The following BDP1 variants were observed in gnomAD, a reference collection of about 807,000 sequenced individuals.
The protein encoded by BDP1 is transcription factor TFIIIB component B'' homolog.
BDP1 carries 169 observed loss-of-function variants against 266.6 expected under a neutral mutation model. That is an observed-to-expected ratio of 0.63 (90% CI 0.56 to 0.72). The LOEUF (loss-of-function observed/expected upper bound fraction) is 0.72. BDP1 is among the 30% of genes least tolerant of loss of function. The pLI, the probability that BDP1 is intolerant of heterozygous loss-of-function variation, is 0.00. For synonymous variants in BDP1, 1,090 were observed against 1,022.4 expected (o/e 1.07, Z -1.26); for missense variants, 3,015 against 3,053.8 (o/e 0.99, Z 0.30).
chr5:71,512,529 A>G, intron 18 of BDP1, 101 bp downstream of exon 18: 1 of 741,772 alleles, frequency 1.3e-6, no homozygotes, highest in Non-Finnish European at 2.0e-6. Context: ...ATAGTGTTAG[A>G]GCTTTTAAGA....
chr5:71,565,620 G>A lies in BDP1; in HGVS notation c.*735G>A, dbSNP rs1202052453. The A allele has an allele frequency of 6.5e-6, 1 of 152,750 alleles. No homozygotes were observed. The allele number at this position is 152,750 out of a possible 1,614,324, so 9.5% of individuals were successfully genotyped here. On this transcript the variant is annotated 3_prime_UTR_variant, in exon 39 of 39. Transcript: ENST00000358731. Reference sequence around the variant, plus strand: ...CACATAGCCTCAGTCTGTACGGTGTGTAGCAGCCTGTACCATCTCAGTGTT... The same window carrying A: ...CACATAGCCTCAGTCTGTACGGTGTATAGCAGCCTGTACCATCTCAGTGTT...
rs574748669 is a variant in BDP1 at position 71,549,243 on chromosome 5, C to A, written c.6809-177C>A. Among the ~76,000 whole-genome samples, 717 of 152,028 alleles carry A rather than the reference C, an allele frequency of 4.7e-3. 7 individuals are homozygous for A. In the South Asian group the frequency reaches 0.055, roughly 12 times the overall value. ...ACAGAGCGAGACTCTGTCTCCCCCC[C>A]GCAAAAAAGGAGGGAACTTACTTCC... On this transcript the variant is annotated intron_variant, in intron 33 of 38. Transcript: ENST00000358731.
chr5:71,520,034 G>A (rs1339336962), intron 22 of BDP1, among the ~76,000 whole-genome samples: 1 of 152,166 alleles, frequency 6.6e-6, no homozygotes. Flanking sequence ...TCTCAGTGCA[G>A]TTTTGATTTG....
intron 19 of BDP1, among the ~76,000 whole-genome samples, chr5:71,514,097 A>G (rs1314209711): frequency 6.6e-6 from 1 of 152,114 alleles, no homozygotes; most frequent in African/African-American, 2.4e-5. Context: ...TAAAGGTGAT[A>G]TTTTATTTAC....
Position 71,561,103 on chromosome 5 carries a change from GA to G in BDP1, c.7496+872del, listed in dbSNP as rs1378110336. Among the ~76,000 whole-genome samples the G allele has an allele frequency of 5.4e-5, 8 of 147,144 alleles. No homozygotes were observed. The East Asian group carries it at 1.4e-3, about 26-fold the overall frequency. Reference sequence around the variant, plus strand: ...GGGCAACATAGCCAGACCCGTCTCTGAAAAAAGAAAAAAAAAGGCTGGGTGC... The same window carrying G: ...GGGCAACATAGCCAGACCCGTCTCTGAAAAAGAAAAAAAAAGGCTGGGTGC... On this transcript the variant is annotated intron_variant, in intron 37 of 38. Coordinates refer to ENST00000358731, the MANE Select transcript of BDP1 (RefSeq NM_018429.3).
intron 13 of BDP1, among the ~76,000 whole-genome samples, chr5:71,500,669 A>G (rs983642073): frequency 3.3e-5 from 5 of 152,044 alleles, no homozygotes; most frequent in African/African-American, 7.2e-5. Flanking sequence ...CTTGCAACCA[A>G]TCTTTTCACA....
intron 7 of BDP1, among the ~76,000 whole-genome samples, chr5:71,479,326 C>T (rs2150385341): frequency 6.6e-6 from 1 of 152,022 alleles, no homozygotes; most frequent in Middle Eastern, 3.4e-3. Context: ...CAGGTGTGAG[C>T]CACTGCACCT....
At chr5:71,503,235 C>G (rs1321493468) in intron 15 of BDP1, among the ~76,000 whole-genome samples, 2 of 152,180 alleles carry the variant, frequency 1.3e-5, no homozygotes, top group South Asian at 4.1e-4. Flanking sequence ...GATCCACCCG[C>G]CTTGGCCTCC....
At chr5:71,506,993 A>T (rs966867448) in intron 16 of BDP1, among the ~76,000 whole-genome samples, 3 of 151,680 alleles carry the variant, frequency 2.0e-5, no homozygotes, top group Non-Finnish European at 4.4e-5. Context: ...GCTAATTTTT[A>T]AATTTTTTTG....
chr5:71,494,848 A>T (rs1415605722), intron 11 of BDP1: 1 of 152,806 alleles, frequency 6.5e-6, no homozygotes, highest in African/African-American at 2.4e-5. Context: ...ATAGGCCTGC[A>T]CCACCATGCC....
chr5:71,549,105 G>T (rs1373860468), intron 33 of BDP1, among the ~76,000 whole-genome samples: 3 of 152,162 alleles, frequency 2.0e-5, no homozygotes, highest in African/African-American at 7.2e-5. Context: ...AGGCACGGTG[G>T]CATGCACCTG....
chr5:71,494,279 A>C (rs374801230), intron 11 of BDP1, among the ~76,000 whole-genome samples: 176 of 152,376 alleles, frequency 1.2e-3, no homozygotes, highest in African/African-American at 3.8e-3. Context: ...CTAAATGTGA[A>C]TATGTGTTGA....
intron 37 of BDP1, among the ~76,000 whole-genome samples, chr5:71,561,061 C>G (rs1039201524): frequency 2.0e-5 from 3 of 151,972 alleles, no homozygotes; most frequent in African/African-American, 7.3e-5. Context: ...CTGTGAATAG[C>G]CACTGCACTC....
chr5:71,500,568 C>G (rs1197005975), intron 13 of BDP1, among the ~76,000 whole-genome samples: 1 of 151,890 alleles, frequency 6.6e-6, no homozygotes, highest in African/African-American at 2.4e-5. Flanking sequence ...CTCAGGTGGT[C>G]CACCTGCCTC....
intron 13 of BDP1, among the ~76,000 whole-genome samples, chr5:71,498,252 A>G (rs1042086339): frequency 2.7e-5 from 4 of 148,832 alleles, no homozygotes; most frequent in Non-Finnish European, 6.0e-5. Context: ...ACCCGGCCTG[A>G]TTTTCTGTTT....
At chr5:71,548,481 T>C (rs1742493819) in intron 32 of BDP1, among the ~76,000 whole-genome samples, 1 of 152,182 alleles carries the variant, frequency 6.6e-6, no homozygotes. Flanking sequence ...TATTTAACAA[T>C]GTAGTCAGGA....
chr5:71,537,785 T>C (rs1766720630), intron 26 of BDP1: 1 of 167,486 alleles, frequency 6.0e-6, no homozygotes, highest in African/African-American at 2.4e-5. Context: ...GTCATACTAA[T>C]CTCATCTTGG....
chr5:71,554,387 T>C (rs1036936535), intron 35 of BDP1, among the ~76,000 whole-genome samples: 73 of 152,200 alleles, frequency 4.8e-4, no homozygotes, highest in African/African-American at 1.7e-3. Context: ...TTTTTCCCAG[T>C]TTGTCATTGT....
intron 7 of BDP1, among the ~76,000 whole-genome samples, chr5:71,481,076 A>T (rs1439360826): frequency 6.6e-6 from 1 of 151,916 alleles, no homozygotes; most frequent in Non-Finnish European, 1.5e-5. Context: ...TGGGAGGCTG[A>T]GGCAGGAGAA....
Sources: gnomAD v4.1 joint callset for allele counts (sites outside exome capture counted in the v4.1 genomes callset) on GRCh38, gnomAD v4.1.1 for gene constraint, MANE v1.5 for transcripts, NCBI Gene and HGNC (gene_info 2026-07-23, HGNC 2026-07-21) for gene names.